The following ITGBL1 variants were observed in gnomAD, a reference collection of about 807,000 sequenced individuals.
ITGBL1 encodes the protein integrin beta-like protein 1.
ITGBL1 carries 51 observed loss-of-function variants against 68.5 expected under a neutral mutation model. The observed-to-expected ratio is 0.74, with a 90% confidence interval of 0.59 to 0.94. The LOEUF is 0.94. Among genes scored for constraint, ITGBL1 ranks in the 40% least tolerant of loss-of-function variants. The pLI is 0.00. For missense variants in ITGBL1, 649 were observed against 647.4 expected (o/e 1.00, Z -0.03); for synonymous variants, 209 against 227.3 (o/e 0.92, Z 0.72).
intron 2 of ITGBL1, among the ~76,000 whole-genome samples, chr13:101,457,425 A>G (rs2048259489): frequency 6.6e-6 from 1 of 152,200 alleles, no homozygotes; most frequent in African/African-American, 2.4e-5. Context: ...TGGGATTATT[A>G]TACTGTGAAT....
At chr13:101,605,983 TATATATATGTGTATATATACAC>T (rs1206161923) in intron 7 of ITGBL1, among the ~76,000 whole-genome samples, 5 of 145,566 alleles carry the variant, frequency 3.4e-5, no homozygotes, top group African/African-American at 5.1e-5. Context: ...CATATATGTG[TATATATATGTGTATATATACAC>T]ATATATATGT....
intron 6 of ITGBL1, among the ~76,000 whole-genome samples, chr13:101,584,505 G>A (rs1045171351): frequency 6.6e-6 from 1 of 152,080 alleles, no homozygotes; most frequent in African/African-American, 2.4e-5. Context: ...GCCAGCAAAG[G>A]GAGATAAAAG....
At chr13:101,470,330 A>T (rs1201256565) in intron 2 of ITGBL1, among the ~76,000 whole-genome samples, 3 of 151,744 alleles carry the variant, frequency 2.0e-5, no homozygotes, top group Non-Finnish European at 4.4e-5. Context: ...TTTTTTAATT[A>T]ATTTATTTTT....
At chr13:101,661,020 A>G (rs1222027315) in intron 7 of ITGBL1, among the ~76,000 whole-genome samples, 2 of 152,202 alleles carry the variant, frequency 1.3e-5, no homozygotes, top group Non-Finnish European at 2.9e-5. Context: ...TTAAAGAAAT[A>G]TGAAACAGGA....
At chr13:101,709,371 C>CAAAAAAAAAAAAAAAAA (rs747662212) in intron 9 of ITGBL1, among the ~76,000 whole-genome samples, 2 of 61,196 alleles carry the variant, frequency 3.3e-5, no homozygotes, top group African/African-American at 2.0e-4. Context: ...GACTCCGTCT[C>CAAAAAAAAAAAAAAAAA]AAAAAAAAAA....
intron 3 of ITGBL1, among the ~76,000 whole-genome samples, chr13:101,573,685 T>A (rs2050309091): frequency 6.6e-6 from 1 of 152,096 alleles, no homozygotes. Context: ...ATCTGGGAAT[T>A]AGAAATGAAA....
intron 7 of ITGBL1, among the ~76,000 whole-genome samples, chr13:101,668,220 T>C (rs546796213): frequency 4.3e-4 from 65 of 152,212 alleles, no homozygotes; most frequent in African/African-American, 1.5e-3. Context: ...AAAACCTGTC[T>C]CTACTAAAAA....
At chr13:101,598,699 C>T (rs1437298563) in intron 7 of ITGBL1, among the ~76,000 whole-genome samples, 2 of 151,918 alleles carry the variant, frequency 1.3e-5, no homozygotes, top group Non-Finnish European at 2.9e-5. Context: ...GGTTTTTTGT[C>T]CTTGCAATAG....
At chr13:101,542,050 T>A (rs1439595564) in intron 2 of ITGBL1, among the ~76,000 whole-genome samples, 1 of 152,212 alleles carries the variant, frequency 6.6e-6, no homozygotes, top group Non-Finnish European at 1.5e-5. Context: ...TGTGTCTCTG[T>A]TTCCTTCAGT....
In ITGBL1 at chr13:101,487,289, G is replaced by A. The variant is rs577657960; in HGVS notation, c.316+33189G>A. 3.9e-5 allele frequency among the ~76,000 whole-genome samples: 6 copies of A among 152,226 alleles called. No homozygotes were observed. In the East Asian group the frequency reaches 1.2e-3, roughly 29 times the overall value. Reference sequence around the variant, plus strand: ...GTTTGAGGAACACAGGAAATTATATGGAGCCTGTTGATAACAGCCTGTCCT... The same window carrying A: ...GTTTGAGGAACACAGGAAATTATATAGAGCCTGTTGATAACAGCCTGTCCT... On this transcript the variant is annotated intron_variant, in intron 2 of 10. Coordinates refer to ENST00000376180, the MANE Select transcript of ITGBL1 (RefSeq NM_004791.3).
intron 7 of ITGBL1, among the ~76,000 whole-genome samples, chr13:101,634,655 AAG>A (rs2139416425): frequency 6.6e-6 from 1 of 152,260 alleles, no homozygotes; most frequent in East Asian, 1.9e-4. Flanking sequence ...CTACTCAGCT[AAG>A]AGTGCCAGGT....
chr13:101,608,602 T>A (rs1176944491), intron 7 of ITGBL1, among the ~76,000 whole-genome samples: 1 of 152,076 alleles, frequency 6.6e-6, no homozygotes, highest in Non-Finnish European at 1.5e-5. Context: ...TTATCATAAG[T>A]TTGCTGCTGC....
chr13:101,509,617 T>G (rs1017135994), intron 2 of ITGBL1, among the ~76,000 whole-genome samples: 10 of 152,154 alleles, frequency 6.6e-5, no homozygotes, highest in African/African-American at 2.4e-4. Context: ...GGTTTGTACA[T>G]GGACCTAATT....
In ITGBL1 at chr13:101,605,325, CGTAT is replaced by C. The variant is rs1181833947; in HGVS notation, c.1015+7027_1015+7030del. Among the ~76,000 whole-genome samples, 3 of 1,834 alleles carry C rather than the reference CGTAT, an allele frequency of 1.6e-3. No individual in the cohort carries two copies. In the South Asian group the frequency reaches 0.19, roughly 115 times the overall value. 1.2% of individuals were successfully genotyped at this position (1,834 alleles called of 152,430 possible). A position where few individuals can be genotyped will look rare whatever the true frequency, so the allele number is the denominator to read the frequency against. ...ATATAGGCATGTATATATGCATATG[CGTAT>C]ATATATATACACATATCTAGACATG... On this transcript the variant is annotated intron_variant, in intron 7 of 10. Coordinates refer to ENST00000376180, the MANE Select transcript of ITGBL1 (RefSeq NM_004791.3).
At chr13:101,483,494 C>T (rs1426782218) in intron 2 of ITGBL1, among the ~76,000 whole-genome samples, 3 of 152,142 alleles carry the variant, frequency 2.0e-5, no homozygotes, top group African/African-American at 7.2e-5. Context: ...TTCAGAGATG[C>T]TCTAGAAGTC....
intron 7 of ITGBL1, among the ~76,000 whole-genome samples, chr13:101,675,828 T>G (rs2033487444): frequency 6.6e-6 from 1 of 152,178 alleles, no homozygotes; most frequent in African/African-American, 2.4e-5. Flanking sequence ...AAGTCCAATG[T>G]ATCTCTTATG....
At chr13:101,572,551 G>A (rs1414762639) in intron 3 of ITGBL1, among the ~76,000 whole-genome samples, 2 of 152,096 alleles carry the variant, frequency 1.3e-5, no homozygotes. Flanking sequence ...AGTCCTAGAG[G>A]CTGAGTTAAC....
chr13:101,590,312 C>G (rs184905146), intron 6 of ITGBL1, among the ~76,000 whole-genome samples: 1 of 152,092 alleles, frequency 6.6e-6, no homozygotes, highest in African/African-American at 2.4e-5. Flanking sequence ...ACATGGATTC[C>G]GACTATGCAA....
At chr13:101,685,433 A>T (rs913951223) in intron 7 of ITGBL1, among the ~76,000 whole-genome samples, 1 of 152,046 alleles carries the variant, frequency 6.6e-6, no homozygotes, top group African/African-American at 2.4e-5. Context: ...ATGCATTTGT[A>T]ATTTTTAAAA....
Sources: allele counts gnomAD v4.1 joint callset (sites outside exome capture counted in the v4.1 genomes callset), GRCh38; gene constraint gnomAD v4.1.1; transcripts MANE v1.5; gene names NCBI Gene and HGNC (gene_info 2026-07-23, HGNC 2026-07-21).